The following FMN1 variants were observed in gnomAD, a reference collection of about 807,000 sequenced individuals.
The protein encoded by FMN1 is formin-1.
In FMN1, 110 loss-of-function variants were observed where a neutral mutation model predicts 132.4. That is an observed-to-expected ratio of 0.83 (90% CI 0.71 to 0.97). The LOEUF is 0.97. Among genes scored for constraint, FMN1 ranks in the 50% least tolerant of loss-of-function variants. FMN1 has a pLI of 0.00. For synonymous variants in FMN1, 722 were observed against 651.7 expected (o/e 1.11, Z -1.64); for missense variants, 1,792 against 1,705.3 (o/e 1.05, Z -0.90).
At chr15:32,965,971 T>C (rs1223727244) in intron 8 of FMN1, among the ~76,000 whole-genome samples, 1 of 152,250 alleles carries the variant, frequency 6.6e-6, no homozygotes, top group African/African-American at 2.4e-5. Flanking sequence ...CTTATCTCTG[T>C]GGTGCTGGGG....
At chr15:33,051,534 G>T (rs1596556843) in intron 6 of FMN1, among the ~76,000 whole-genome samples, 1 of 152,110 alleles carries the variant, frequency 6.6e-6, no homozygotes, top group South Asian at 2.1e-4. Flanking sequence ...CCAGAGAAAG[G>T]CAGTCTCCCA....
At chr15:33,141,546 A>C (rs1964010585) in intron 4 of FMN1, among the ~76,000 whole-genome samples, 1 of 152,198 alleles carries the variant, frequency 6.6e-6, no homozygotes, top group Non-Finnish European at 1.5e-5. Context: ...TACCTATGGG[A>C]AAGTGAGGGA....
intron 5 of FMN1, among the ~76,000 whole-genome samples, chr15:33,073,277 C>T (rs1345234923): frequency 6.6e-6 from 1 of 152,204 alleles, no homozygotes; most frequent in African/African-American, 2.4e-5. Flanking sequence ...CCTTGTCCAA[C>T]TTATTTCAAG....
At chr15:32,898,737 G>T (rs1490006315) in intron 15 of FMN1, 97 bp downstream of exon 15, 1 of 770,014 alleles carries the variant, frequency 1.3e-6, no homozygotes, top group Non-Finnish European at 2.3e-6. Context: ...ATTCTATGTT[G>T]GGCTTGCAGT....
chr15:32,996,824 T>G (rs2033799500), intron 7 of FMN1, among the ~76,000 whole-genome samples: 1 of 152,096 alleles, frequency 6.6e-6, no homozygotes, highest in Non-Finnish European at 1.5e-5. Context: ...TTATCACACA[T>G]GAACACACCA....
intron 9 of FMN1, among the ~76,000 whole-genome samples, chr15:32,952,766 T>C (rs2061682183): frequency 6.6e-6 from 1 of 152,180 alleles, no homozygotes; most frequent in Admixed American, 6.5e-5. Flanking sequence ...ATAAGGCACC[T>C]AGCATGAAAG....
intron 17 of FMN1, among the ~76,000 whole-genome samples, chr15:32,823,275 C>T (rs1335623569): frequency 6.7e-6 from 1 of 148,360 alleles, no homozygotes; most frequent in Non-Finnish European, 1.5e-5. Flanking sequence ...CATTCTCCTG[C>T]TTCAGCCTCC....
At chr15:32,995,045 ATT>A (rs1282855743) in intron 7 of FMN1, among the ~76,000 whole-genome samples, 1 of 152,162 alleles carries the variant, frequency 6.6e-6, no homozygotes, top group African/African-American at 2.4e-5. Context: ...CAGTGGTGAG[ATT>A]GTGGAATGAC....
chr15:33,036,789 G>A (rs926502958), intron 6 of FMN1, among the ~76,000 whole-genome samples: 4 of 152,124 alleles, frequency 2.6e-5, no homozygotes, highest in African/African-American at 4.8e-5. Context: ...AAAACACAAC[G>A]TTCAGTATTG....
At chr15:32,970,331 GT>G (rs2031673235) in intron 7 of FMN1, among the ~76,000 whole-genome samples, 1 of 152,086 alleles carries the variant, frequency 6.6e-6, no homozygotes, top group Non-Finnish European at 1.5e-5. Context: ...TTTTATTAGA[GT>G]TTTCAAAATC....
intron 9 of FMN1, among the ~76,000 whole-genome samples, chr15:32,946,472 G>A (rs2061514127): frequency 6.6e-6 from 1 of 152,134 alleles, no homozygotes; most frequent in African/African-American, 2.4e-5. Context: ...CCTCTCCCTT[G>A]AAATAATTAT....
At chr15:32,924,404 G>A (rs999036278) in intron 10 of FMN1, among the ~76,000 whole-genome samples, 4 of 152,272 alleles carry the variant, frequency 2.6e-5, no homozygotes, top group African/African-American at 9.6e-5. Context: ...TCCCTTGAAT[G>A]GAAAAGTAGC....
chr15:32,884,999 A>C (rs1019924817), intron 16 of FMN1, among the ~76,000 whole-genome samples: 4 of 152,320 alleles, frequency 2.6e-5, no homozygotes, highest in African/African-American at 9.6e-5. Context: ...CTGTGCAGAC[A>C]TTATTTCCTA....
intron 15 of FMN1, among the ~76,000 whole-genome samples, chr15:32,894,237 C>T (rs1364847760): frequency 6.6e-6 from 1 of 152,166 alleles, no homozygotes; most frequent in Non-Finnish European, 1.5e-5. Context: ...GTAATCTCAG[C>T]ACTTTGGGAG....
chr15:33,066,068 A>G (rs1398758961), intron 5 of FMN1, among the ~76,000 whole-genome samples: 1 of 152,220 alleles, frequency 6.6e-6, no homozygotes, highest in Non-Finnish European at 1.5e-5. Flanking sequence ...CCAATGTGGA[A>G]CACTCTAATC....
chr15:33,128,802 A>C (rs1174129319), intron 4 of FMN1, among the ~76,000 whole-genome samples: 1 of 152,240 alleles, frequency 6.6e-6, no homozygotes, highest in Non-Finnish European at 1.5e-5. Flanking sequence ...AGCAAGATTT[A>C]CTGTCACGAG....
rs969944110 is a variant in FMN1 at position 32,843,628 on chromosome 15, C to T, written c.3928+13387G>A. On this transcript the variant is annotated intron_variant, in intron 17 of 20. Coordinates refer to ENST00000616417, the MANE Select transcript of FMN1 (RefSeq NM_001277313.2). Reference sequence around the variant, plus strand: ...ATTACTATATTACAATTACTCACGCCACATTTTATTTATTTCAGCAAGGAA... The same window carrying T: ...ATTACTATATTACAATTACTCACGCTACATTTTATTTATTTCAGCAAGGAA... 2.6e-5 allele frequency among the ~76,000 whole-genome samples: 4 copies of T among 152,264 alleles called. No homozygotes were observed. The South Asian group carries it at 8.3e-4, about 32-fold the overall frequency.
intron 17 of FMN1, among the ~76,000 whole-genome samples, chr15:32,844,881 C>G (rs925926379): frequency 1.3e-5 from 2 of 152,366 alleles, no homozygotes; most frequent in African/African-American, 4.8e-5. Context: ...GTGCCAGGTT[C>G]TGAGCTAACT....
chr15:32,996,458 A>G lies in FMN1; in HGVS notation c.2223+11556T>C, dbSNP rs1425296813. Among the ~76,000 whole-genome samples the G allele has an allele frequency of 2.0e-5, 3 of 152,234 alleles. No homozygotes were observed. In the East Asian group the frequency reaches 5.8e-4, roughly 29 times the overall value. ...ACAAATATCCACCCAAAGATAGATC[A>G]GAGGCAAAGGTCAATCCAGAATCAA... On this transcript the variant is annotated intron_variant, in intron 7 of 20. Transcript: ENST00000616417.
Sources: allele counts gnomAD v4.1 joint callset (sites outside exome capture counted in the v4.1 genomes callset), GRCh38; gene constraint gnomAD v4.1.1; transcripts MANE v1.5; gene names NCBI Gene and HGNC (gene_info 2026-07-23, HGNC 2026-07-21).